Variants in ADAM12 observed in about 807,000 individuals in gnomAD.
ADAM12 encodes the protein disintegrin and metalloproteinase domain-containing protein 12.
In ADAM12, 70 loss-of-function variants were observed where a neutral mutation model predicts 106.4. That is an observed-to-expected ratio of 0.66 (90% CI 0.54 to 0.80). The LOEUF is 0.80. Among genes scored for constraint, ADAM12 ranks in the 30% least tolerant of loss-of-function variants. The probability of loss-of-function intolerance (pLI) is 0.00; values close to 1 mark genes in which losing one functional copy is unlikely to be tolerated. For missense variants in ADAM12, 1,010 were observed against 1,171.9 expected (o/e 0.86, Z 2.02); for synonymous variants, 420 against 433.5 (o/e 0.97, Z 0.39).
chr10:126,225,911 T>C (rs1958185220), intron 3 of ADAM12, among the ~76,000 whole-genome samples: 2 of 152,054 alleles, frequency 1.3e-5, no homozygotes, highest in African/African-American at 4.8e-5. Flanking sequence ...CCCTTCCAAA[T>C]GGAACAAAGT....
At chr10:126,025,399 A>G (rs535947852) in intron 21 of ADAM12, among the ~76,000 whole-genome samples, 4 of 152,346 alleles carry the variant, frequency 2.6e-5, no homozygotes, top group African/African-American at 9.6e-5. Context: ...TCACAATCAC[A>G]AGTATTAACA....
intron 21 of ADAM12, among the ~76,000 whole-genome samples, chr10:126,022,208 C>T (rs1475845664): frequency 1.3e-5 from 2 of 152,134 alleles, no homozygotes; most frequent in Non-Finnish European, 2.9e-5. Flanking sequence ...TGTTTATCGT[C>T]CTGTTTAATT....
intron 3 of ADAM12, among the ~76,000 whole-genome samples, chr10:126,165,736 G>T (rs537260376): frequency 1.3e-5 from 2 of 152,096 alleles, no homozygotes; most frequent in African/African-American, 2.4e-5. Context: ...ACCAAATTCC[G>T]TATTTTTCTG....
chr10:126,205,973 C>G (rs1425941822), intron 3 of ADAM12, among the ~76,000 whole-genome samples: 5 of 152,104 alleles, frequency 3.3e-5, no homozygotes, highest in African/African-American at 4.8e-5. Flanking sequence ...TAAAAAATAA[C>G]ACATCATAGT....
At chr10:126,026,222 CAACA>C in intron 21 of ADAM12, among the ~76,000 whole-genome samples, 1 of 151,928 alleles carries the variant, frequency 6.6e-6, no homozygotes, top group East Asian at 1.9e-4. Context: ...GACTTTAAAC[CAACA>C]AAGATCAAAA....
intron 3 of ADAM12, among the ~76,000 whole-genome samples, chr10:126,166,377 C>T (rs1957023196): frequency 6.6e-6 from 1 of 152,078 alleles, no homozygotes; most frequent in African/African-American, 2.4e-5. Flanking sequence ...TTGCAGCTCT[C>T]CAGCTGGCAT....
intron 5 of ADAM12, among the ~76,000 whole-genome samples, chr10:126,132,062 G>A (rs1022300742): frequency 6.7e-6 from 1 of 149,996 alleles, no homozygotes; most frequent in African/African-American, 2.5e-5. Flanking sequence ...TGCAACCCCC[G>A]CCTCCCGGGT....
In ADAM12 at chr10:126,041,289, C is replaced by T. The variant is rs1285054464; in HGVS notation, c.2104+1751G>A. On this transcript the variant is annotated intron_variant, in intron 18 of 22. Coordinates refer to ENST00000448723, the MANE Select transcript of ADAM12 (RefSeq NM_001288973.2). ...CCAGGCCAGGGAGCAGTGAGCCATG[C>T]TTGCTCATGGCCTGCCTTGATTTTA... 1.1e-5 allele frequency: 11 copies of T among 974,870 alleles called. No homozygotes were observed. The Admixed American group carries it at 6.2e-4, about 55-fold the overall frequency. 60.4% of individuals were successfully genotyped at this position (974,870 alleles called of 1,614,324 possible). A position where few individuals can be genotyped will look rare whatever the true frequency, so the allele number is the denominator to read the frequency against.
At chr10:126,098,310 A>G in intron 10 of ADAM12, 106 bp downstream of exon 10, 1 of 887,642 alleles carries the variant, frequency 1.1e-6, no homozygotes, top group Non-Finnish European at 1.8e-6. Flanking sequence ...AGTTAAATCT[A>G]AAAAGCATTA....
rs201484847 is a variant in ADAM12 at position 126,057,377 on chromosome 10, T to A, written c.1609+7429A>T. Among the ~76,000 whole-genome samples the A allele has an allele frequency of 1.1e-3, 52 of 45,726 alleles. 9 individuals are homozygous for A. Among genetic ancestry groups the A allele is most frequent in the Admixed American group, 7.8e-3 (24 of 3,088 alleles). 30.0% of individuals were successfully genotyped at this position (45,726 alleles called of 152,430 possible). On this transcript the variant is annotated intron_variant, in intron 14 of 22. Transcript: ENST00000448723. ...ACTTAGAGTATAATAAAAAAAAAAT[T>A]AAAAAACAAAAAAACAAAAAAACAA...
chr10:126,134,605 C>A (rs560870664), intron 5 of ADAM12, among the ~76,000 whole-genome samples: 1 of 152,288 alleles, frequency 6.6e-6, no homozygotes, highest in African/African-American at 2.4e-5. Context: ...AACATGTGAG[C>A]AAATAGAACT....
intron 1 of ADAM12, among the ~76,000 whole-genome samples, chr10:126,348,532 C>T (rs1030078181): frequency 6.6e-5 from 10 of 152,052 alleles, no homozygotes; most frequent in African/African-American, 4.8e-5. Context: ...TGAGAGAGAA[C>T]GGATGCATAT....
chr10:126,133,543 T>C (rs548636687), intron 5 of ADAM12, among the ~76,000 whole-genome samples: 1 of 152,258 alleles, frequency 6.6e-6, no homozygotes, highest in South Asian at 2.1e-4. Flanking sequence ...AGCCTCCGCT[T>C]CTGTGCACAT....
chr10:126,179,845 C>T (rs541863724), intron 3 of ADAM12, among the ~76,000 whole-genome samples: 1 of 152,242 alleles, frequency 6.6e-6, no homozygotes, highest in South Asian at 2.1e-4. Context: ...AGTCGGCTGT[C>T]ACTAGGCAGG....
intron 18 of ADAM12, chr10:126,041,813 T>G: frequency 2.6e-6 from 3 of 1,159,436 alleles, no homozygotes; most frequent in Admixed American, 4.4e-5. Context: ...AGGCCAGACT[T>G]TTGAGTCCTC....
intron 3 of ADAM12, among the ~76,000 whole-genome samples, chr10:126,216,142 G>C: frequency 6.6e-6 from 1 of 152,174 alleles, no homozygotes; most frequent in East Asian, 1.9e-4. Flanking sequence ...AGAAGATAGT[G>C]AAACTCCCTA....
At chr10:126,248,203 T>C (rs1482428126) in intron 3 of ADAM12, among the ~76,000 whole-genome samples, 1 of 152,228 alleles carries the variant, frequency 6.6e-6, no homozygotes, top group Middle Eastern at 3.2e-3. Flanking sequence ...AAGGCCATAA[T>C]TCACGTATTC....
intron 5 of ADAM12, among the ~76,000 whole-genome samples, chr10:126,125,675 C>G (rs1234752088): frequency 6.6e-6 from 1 of 151,808 alleles, no homozygotes; most frequent in Non-Finnish European, 1.5e-5. Context: ...TCCCCCCCAG[C>G]CCCCAGAAAA....
intron 21 of ADAM12, among the ~76,000 whole-genome samples, chr10:126,035,283 C>G (rs866159034): frequency 2.0e-5 from 3 of 152,128 alleles, no homozygotes; most frequent in Non-Finnish European, 2.9e-5. Context: ...TTAAGAATCT[C>G]TCCTAGGGGA....
Sources: gnomAD v4.1 joint callset for allele counts (sites outside exome capture counted in the v4.1 genomes callset) on GRCh38, gnomAD v4.1.1 for gene constraint, MANE v1.5 for transcripts, NCBI Gene and HGNC (gene_info 2026-07-23, HGNC 2026-07-21) for gene names.